Variants in GAGE1 observed in about 807,000 individuals in gnomAD.
GAGE1 encodes the protein G antigen 4.
A neutral mutation model predicts 5.0 loss-of-function variants in GAGE1; 5 were observed. The observed-to-expected ratio is 1.00, with a 90% CI of 0.52 to 2.11. The LOEUF (loss-of-function observed/expected upper bound fraction) is 2.11, where lower values mean the gene tolerates loss of function less well. Ranked by LOEUF, GAGE1 falls within the 30% of genes most tolerant of loss-of-function variation. The pLI, the probability that GAGE1 is intolerant of heterozygous loss-of-function variation, is 0.01. For synonymous variants in GAGE1, 6 were observed against 14.8 expected, an observed-to-expected ratio of 0.40 and a Z score of 1.37; for missense variants, 9 against 38.9, an observed-to-expected ratio of 0.23 and a Z score of 2.04.
rs1033759459 is a variant in GAGE1, at chrX:49,607,443, A to G, written c.*1428A>G. 7.2e-5 allele frequency: 8 copies of G among 111,719 alleles called. No homozygotes were observed. The highest frequency in any genetic ancestry group is 2.6e-4 in the African/African-American group (8 of 30,745). The allele number at this position is 111,719 out of a possible 1,213,427, so 9.2% of individuals were successfully genotyped here. A position where few individuals can be genotyped will look rare whatever the true frequency, so the allele number is the denominator to read the frequency against. On this transcript the variant is annotated 3_prime_UTR_variant, in exon 5 of 5. Coordinates refer to ENST00000381700, the MANE Select transcript of GAGE1 (RefSeq NM_001040663.4). ...AGCTTCATAAAACGGGTTGGTATGT[A>G]AAACCTCTTTTTCCATTCACTGGAA...
Position 49,607,553 on chromosome X carries a change from C to T in GAGE1, c.*1538C>T, listed in dbSNP as rs1364451577. ...CTAGAATGCTTCTCTCAGATTTGGA[C>T]CCTACTTAAACAGCAGTGACCAAAC... On this transcript the variant is annotated 3_prime_UTR_variant, in exon 5 of 5. Coordinates refer to ENST00000381700, the MANE Select transcript of GAGE1 (RefSeq NM_001040663.4). The T allele has an allele frequency of 9.0e-6, 1 of 111,058 alleles. No homozygotes were observed. The highest frequency in any genetic ancestry group is 1.9e-5 in the Non-Finnish European group (1 of 53,065). The allele number at this position is 111,058 out of a possible 1,213,427, so 9.2% of individuals were successfully genotyped here.
At chrX:49,604,939 C>T (rs1454529453) in intron 4 of GAGE1, 3 of 503,385 alleles carry the variant, frequency 6.0e-6, no homozygotes, top group Non-Finnish European at 3.0e-6. Context: ...TCCTGAGTGG[C>T]TGGAACTACA....
At position 49,607,919 on chromosome X, in the gene GAGE1, C is replaced by G. The variant is rs781788308; in HGVS notation, c.*1904C>G. On this transcript the variant is annotated 3_prime_UTR_variant, in exon 5 of 5. Coordinates refer to ENST00000381700, the MANE Select transcript of GAGE1 (RefSeq NM_001040663.4). ...TGTACATGTATGACCTCTTTAGATC[C>G]TCACAAGATAAGGCAGAATTTTCAT... is the stretch of plus-strand genomic sequence containing the variant. The G allele has an allele frequency of 1.8e-5, 2 of 111,357 alleles. No homozygotes were observed. Among genetic ancestry groups the G allele is most frequent in the Non-Finnish European group, 3.8e-5 (2 of 53,140 alleles). 9.2% of individuals were successfully genotyped at this position (111,357 alleles called of 1,213,427 possible). A position where few individuals can be genotyped will look rare whatever the true frequency, so the allele number is the denominator to read the frequency against.
intron 4 of GAGE1, among the ~76,000 whole-genome samples, chrX:49,605,613 T>C (rs1241531130): frequency 8.9e-6 from 1 of 111,932 alleles, no homozygotes; most frequent in Non-Finnish European, 1.9e-5. Flanking sequence ...TAGGGCCATC[T>C]AAATAATCTG....
Position 49,602,232 on chromosome X carries a change from A to C in GAGE1, c.205+1388A>C, listed in dbSNP as rs1434259906. Among the ~76,000 whole-genome samples the C allele has an allele frequency of 1.1e-4, 12 of 112,701 alleles. No individual in the cohort carries two copies. In the East Asian group the frequency reaches 2.5e-3, roughly 23 times the overall value. On this transcript the variant is annotated intron_variant, in intron 3 of 4. Coordinates refer to ENST00000381700, the MANE Select transcript of GAGE1 (RefSeq NM_001040663.4). ...ATGGTATAGGAAAACACAGATGCAAAGTTTTTGTGCCTAGTGGCTGGTAAT... is the reference window on the plus strand; with the variant it reads ...ATGGTATAGGAAAACACAGATGCAACGTTTTTGTGCCTAGTGGCTGGTAAT...
In GAGE1 at chrX:49,602,397, A is replaced by T. The variant is rs782114876; in HGVS notation, c.206-1271A>T. On this transcript the variant is annotated intron_variant, in intron 3 of 4. Transcript: ENST00000381700. ...GTGCAGTTATCATATATTCTTTTAA[A>T]TTTTTCCTGTATGTATCTTCAAGTC... Among the ~76,000 whole-genome samples, 88 of 77,200 alleles carry T rather than the reference A, an allele frequency of 1.1e-3. 10 individuals are homozygous for T. Among genetic ancestry groups the T allele is most frequent in the African/African-American group, 3.0e-3 (85 of 28,420 alleles). 67.0% of individuals were successfully genotyped at this position (77,200 alleles called of 115,157 possible). A position where few individuals can be genotyped will look rare whatever the true frequency, so the allele number is the denominator to read the frequency against.
intron 4 of GAGE1, among the ~76,000 whole-genome samples, 154 bp downstream of exon 4, chrX:49,603,947 G>A (rs1178841770): frequency 8.8e-6 from 1 of 113,417 alleles, no homozygotes; most frequent in African/African-American, 3.2e-5. Context: ...CTGTCTCCAG[G>A]GTTCAAGTGA....
chrX:49,602,469 A>C, intron 3 of GAGE1, among the ~76,000 whole-genome samples: 1 of 78,377 alleles, frequency 1.3e-5, no homozygotes, highest in Non-Finnish European at 3.2e-5. Flanking sequence ...GAACTCATAT[A>C]CTGTTCATCT....
In GAGE1 at chrX:49,606,126, G is replaced by T; in HGVS notation, c.*111G>T. 4 of 451,365 alleles carry T rather than the reference G, an allele frequency of 8.9e-6. No homozygotes were observed. Among genetic ancestry groups the T allele is most frequent in the Non-Finnish European group, 1.4e-5 (4 of 290,225 alleles). 37.2% of individuals were successfully genotyped at this position (451,365 alleles called of 1,213,427 possible). A position where few individuals can be genotyped will look rare whatever the true frequency, so the allele number is the denominator to read the frequency against. On this transcript the variant is annotated 3_prime_UTR_variant, in exon 5 of 5. Transcript: ENST00000381700. ...TGCAAAGAAGTCTTGTGAATCTTTT[G>T]TCAATTTTATTTCTAGCTATTTGAT...
chrX:49,605,982 T>G lies in GAGE1; in HGVS notation c.332-11T>G, dbSNP rs782500350. On this transcript the variant is annotated splice_polypyrimidine_tract_variant and intron_variant, in intron 4 of 4. Transcript: ENST00000381700. ...CTCTGTAATGTTCCCAACTGTTTTG[T>G]TTTGTTTCAGGTGAAGGGCAATCAC... 1 of 1,060,768 alleles carries G rather than the reference T, an allele frequency of 9.4e-7. No homozygotes were observed. The allele number at this position is 1,060,768 out of a possible 1,213,427, so 87.4% of individuals were successfully genotyped here. A position where few individuals can be genotyped will look rare whatever the true frequency, so the allele number is the denominator to read the frequency against.
chrX:49,607,384 C>T lies in GAGE1; in HGVS notation c.*1369C>T, dbSNP rs2066665067. On this transcript the variant is annotated 3_prime_UTR_variant, in exon 5 of 5. Coordinates refer to ENST00000381700, the MANE Select transcript of GAGE1 (RefSeq NM_001040663.4). ...ATTACCTGTACTTTTATTTCATATG[C>T]TCATTTGTTGGACGTTGTTATCAAG... 2 of 111,747 alleles carry T rather than the reference C, an allele frequency of 1.8e-5. No homozygotes were observed. The highest frequency in any genetic ancestry group is 1.9e-4 in the Admixed American group (2 of 10,484). The allele number at this position is 111,747 out of a possible 1,213,427, so 9.2% of individuals were successfully genotyped here. A position where few individuals can be genotyped will look rare whatever the true frequency, so the allele number is the denominator to read the frequency against.
intron 4 of GAGE1, among the ~76,000 whole-genome samples, chrX:49,604,612 A>T (rs1273569308): frequency 1.8e-5 from 2 of 112,394 alleles, no homozygotes; most frequent in Non-Finnish European, 3.8e-5. Context: ...TGCGTGGGAC[A>T]CAGAGATCAT....
At position 49,607,810 on chromosome X, in the gene GAGE1, T is replaced by G. The variant is rs1557132377; in HGVS notation, c.*1795T>G. On this transcript the variant is annotated 3_prime_UTR_variant, in exon 5 of 5. Transcript: ENST00000381700. ...GTATAATTATGACAATGGCTCCATT[T>G]ATTTTTAAAATAAGAGGAATTATTA... 1 of 111,797 alleles carries G rather than the reference T, an allele frequency of 8.9e-6. No homozygotes were observed. The highest frequency in any genetic ancestry group is 3.3e-5 in the African/African-American group (1 of 30,761). 9.2% of individuals were successfully genotyped at this position (111,797 alleles called of 1,213,427 possible).
intron 4 of GAGE1, among the ~76,000 whole-genome samples, chrX:49,605,576 C>G (rs782545952): frequency 2.7e-5 from 3 of 111,812 alleles, no homozygotes; most frequent in African/African-American, 9.7e-5. Context: ...TAATAAAACC[C>G]AAACTGTAGT....
At chrX:49,602,565 C>A (rs1456574504) in intron 3 of GAGE1, among the ~76,000 whole-genome samples, 1 of 80,609 alleles carries the variant, frequency 1.2e-5, no homozygotes, top group African/African-American at 3.5e-5. Flanking sequence ...CACACTCACA[C>A]ACACACACAC....
chrX:49,607,012 AC>A lies in GAGE1; in HGVS notation c.*1000del, dbSNP rs1384967063. ...CAATTGAGACAGGTCTCACTCTGTC[AC>A]CCATGCTGACTGCAGTAGTGTGATC... On this transcript the variant is annotated 3_prime_UTR_variant, in exon 5 of 5. Coordinates refer to ENST00000381700, the MANE Select transcript of GAGE1 (RefSeq NM_001040663.4). 4 of 111,825 alleles carry A rather than the reference AC, an allele frequency of 3.6e-5. No individual in the cohort carries two copies. The highest frequency in any genetic ancestry group is 1.3e-4 in the African/African-American group (4 of 30,758). 9.2% of individuals were successfully genotyped at this position (111,825 alleles called of 1,213,427 possible).
At chrX:49,604,007 C>G (rs185728911) in intron 4 of GAGE1, among the ~76,000 whole-genome samples, 14 of 112,761 alleles carry the variant, frequency 1.2e-4, no homozygotes, top group African/African-American at 4.5e-4. Context: ...CGTGCTCCGC[C>G]GTGCCCAGCT....
Position 49,606,024 on chromosome X carries a change from A to G in GAGE1, c.*9A>G, listed in dbSNP as rs1557132187. The G allele has an allele frequency of 9.4e-7, 1 of 1,064,881 alleles. No individual in the cohort carries two copies. The highest frequency in any genetic ancestry group is 3.1e-5 in the Admixed American group (1 of 32,286). 87.8% of individuals were successfully genotyped at this position (1,064,881 alleles called of 1,213,427 possible). Reference sequence around the variant, plus strand: ...GGCAATCACAGTGTTAAAAGAAGACATGCTGAAATGTTGCAGGCTGCTCCT... The same window carrying G: ...GGCAATCACAGTGTTAAAAGAAGACGTGCTGAAATGTTGCAGGCTGCTCCT... On this transcript the variant is annotated 3_prime_UTR_variant, in exon 5 of 5. Coordinates refer to ENST00000381700, the MANE Select transcript of GAGE1 (RefSeq NM_001040663.4).
intron 4 of GAGE1, among the ~76,000 whole-genome samples, chrX:49,604,626 C>G (rs1825794321): frequency 8.9e-6 from 1 of 112,408 alleles, no homozygotes; most frequent in Non-Finnish European, 1.9e-5. Flanking sequence ...AGATCATCTG[C>G]TTCGCATGGT....
Sources: allele counts gnomAD v4.1 joint callset (sites outside exome capture counted in the v4.1 genomes callset), GRCh38; gene constraint gnomAD v4.1.1; transcripts MANE v1.5; gene names NCBI Gene and HGNC (gene_info 2026-07-23, HGNC 2026-07-21).